The following PLEC variants were observed in gnomAD, a reference collection of about 807,000 sequenced individuals.
The protein encoded by PLEC is plectin.
Under a neutral mutation model 392.8 loss-of-function variants are expected in PLEC, and 216 were observed. That is an observed-to-expected ratio of 0.55 (90% CI 0.49 to 0.62). PLEC has a LOEUF of 0.62. Ranked by LOEUF, PLEC falls within the 20% of genes least tolerant of loss-of-function variation. The pLI, the probability that PLEC is intolerant of heterozygous loss-of-function variation, is 0.00. For synonymous variants in PLEC, 3,621 were observed against 2,980.6 expected, an observed-to-expected ratio of 1.21 and a Z score of -7.00; for missense variants, 6,863 against 6,563.4, an observed-to-expected ratio of 1.05 and a Z score of -1.58.
chr8:143,919,828 G>C lies in PLEC; in HGVS notation c.9993C>G (p.Leu3331=). 6.2e-7 allele frequency: 1 copy of C among 1,613,128 alleles called. No homozygotes were observed. Among genetic ancestry groups the C allele is most frequent in the Non-Finnish European group, 8.5e-7 (1 of 1,180,038 alleles). ...GVLSRAQFEQ[L]KDGKTTVKDL... is the part of the protein sequence containing the mutation. ...CCTTGACCGTCGTCTTGCCGTCCTT[G>C]AGCTGCTCAAACTGGGCTCTGCTGA... The change falls in exon 32 of 32, where the codon CTC becomes CTG. Residue 3331 remains leucine, a synonymous_variant. Transcript: ENST00000345136.
At chr8:143,953,867 C>T, upstream of PLEC, 1 of 1,560,256 alleles carries the variant, frequency 6.4e-7, no homozygotes, top group Non-Finnish European at 8.7e-7. Context: ...GGGGAGGAGC[C>T]CGGAGGTCCG....
At chr8:143,932,313 C>T (rs2131894606) in intron 16 of PLEC, 79 bp from the exon 17 acceptor site, 12 of 1,605,726 alleles carry the variant, frequency 7.5e-6, no homozygotes, top group Middle Eastern at 1.8e-4. Context: ...CGACCCAGGG[C>T]CCCCACTGGT....
Position 143,946,925 on chromosome 8 carries a change from C to G in PLEC, c.523+3259G>C, listed in dbSNP as rs567612609. ...TGAGTCCTCCCCAACCAGCACAGCC[C>G]CAGGCATCTGTCCAGGGGCAATGGT... On this transcript the variant is annotated intron_variant, in intron 1 of 31. Coordinates refer to the PLEC transcript ENST00000322810. Among the ~76,000 whole-genome samples, 127 of 152,242 alleles carry G rather than the reference C, an allele frequency of 8.3e-4. 4 individuals carry two copies. In the South Asian group the frequency reaches 0.012, roughly 15 times the overall value.
At position 143,929,095 on chromosome 8, in the gene PLEC, G is replaced by A; in HGVS notation, c.3260+8C>T. 6.4e-7 allele frequency: 1 copy of A among 1,565,118 alleles called. No homozygotes were observed. ...CCCAGCCCCTCGCCTGTGGCCAGGTGCACTCACTTCTCCAGGTAGATGGCA... is the reference window on the plus strand; with the variant it reads ...CCCAGCCCCTCGCCTGTGGCCAGGTACACTCACTTCTCCAGGTAGATGGCA... On this transcript the variant is annotated splice_region_variant and intron_variant, in intron 25 of 31. Transcript: ENST00000345136.
In PLEC at chr8:143,921,376, A is replaced by G. The variant is rs371421350; in HGVS notation, c.8445T>C (p.Val2815=). The change falls in exon 32 of 32, where the codon GTT becomes GTC. Residue 2815 remains valine, a synonymous_variant. Coordinates refer to ENST00000345136, the MANE Select transcript of PLEC (RefSeq NM_201384.3). Reference sequence around the variant, plus strand: ...CGCGGTGGCTGTGCACGGGGTCGATAACGCCGCCCGTGGCGATCTGGGCCT... The same window carrying G: ...CGCGGTGGCTGTGCACGGGGTCGATGACGCCGCCCGTGGCGATCTGGGCCT... ...LLEAQIATGG[V]IDPVHSHRVP... The G allele has an allele frequency of 1.1e-3, 1,793 of 1,613,324 alleles. 9 individuals are homozygous for G. In the African/African-American group the frequency reaches 0.012, roughly 10 times the overall value.
chr8:143,920,275 A>G lies in PLEC; in HGVS notation c.9546T>C (p.Ser3182=), dbSNP rs1554681200. Residue 3182 remains serine (S), a synonymous_variant, in exon 32 of 32, where the codon AGT becomes AGC. Transcript: ENST00000345136. ...TGGCCGGCTCCCCTGTGCTGGGGTC[A>G]CTGTAGGCCTTGGCGTCGGCCCTTG... ...SAPRADAKAY[S]DPSTGEPATY... 3.8e-6 allele frequency: 6 copies of G among 1,595,776 alleles called. No individual in the cohort carries two copies. In the South Asian group the frequency reaches 5.5e-5, roughly 15 times the overall value.
intron 2 of PLEC, 151 bp downstream of exon 2, chr8:143,938,480 G>A (rs1490298300): frequency 1.3e-6 from 2 of 1,550,008 alleles, no homozygotes; most frequent in African/African-American, 1.4e-5. Context: ...AGCAGGCGTA[G>A]GGAAGAAAGA....
chr8:143,924,589 G>A lies in PLEC; in HGVS notation c.5340C>T (p.Ser1780=), dbSNP rs1554698203. ...SKARAEEESR[S]TSEKSKQRLE... is the part of the protein sequence containing the mutation. ...GCCTCTGCTTGGACTTCTCGCTGGT[G>A]GAGCGCGACTCCTCCTCAGCCCTCG... The change falls in exon 31 of 32, where the codon TCC becomes TCT. Residue 1780 remains serine (S), a synonymous_variant. Transcript: ENST00000345136. The A allele has an allele frequency of 2.6e-6, 4 of 1,549,960 alleles. No homozygotes were observed. The highest frequency in any genetic ancestry group is 1.4e-5 in the African/African-American group (1 of 73,390).
upstream of PLEC, chr8:143,958,814 C>T: frequency 3.4e-6 from 1 of 290,054 alleles, no homozygotes; most frequent in Admixed American, 4.2e-5. This position sits in a 1 kb window ranked among gnomAD's most constrained non-coding sequence, Gnocchi z 4.9. Flanking sequence ...CTGTGGGCCC[C>T]TGGGGCGGCT....
At position 143,917,356 on chromosome 8, in the gene PLEC, G is replaced by A. The variant is rs773080070; in HGVS notation, c.12465C>T (p.Tyr4155=). The A allele has an allele frequency of 1.1e-4, 178 of 1,610,176 alleles. 1 individual carries two copies. The highest frequency in any genetic ancestry group is 6.6e-4 in the Middle Eastern group (4 of 6,084). ...CAATCAGGCCCTTGCGGTAGGCCTC[G>A]TACACTGACATCTCCTTGCCCGTCT... The part of the protein sequence containing the change: ...DPETGKEMSV[Y]EAYRKGLIDH... Residue 4155 remains tyrosine, a synonymous_variant, in exon 32 of 32, where the codon TAC becomes TAT. Coordinates refer to ENST00000345136, the MANE Select transcript of PLEC (RefSeq NM_201384.3).
chr8:143,946,602 G>A (rs1322523972), intron 1 of PLEC: 4 of 324,972 alleles, frequency 1.2e-5, no homozygotes, highest in South Asian at 4.5e-5. Context: ...GGGGTGCAGG[G>A]GACTGGCCTG....
At position 143,938,676 on chromosome 8, in the gene PLEC, C is replaced by T. The variant is rs550372653; in HGVS notation, c.129G>A (p.Val43=). ...SEGKKDERDR[V]QKKTFTKWVN... The stretch of plus-strand genomic sequence containing the variant: ...CCCACTTGGTGAAGGTTTTCTTCTG[C>T]ACACGATCCCGCTCATCTGGGGGAG... Residue 43 remains valine, a synonymous_variant, in exon 2 of 32, where the codon GTG becomes GTA. Transcript: ENST00000345136. The T allele has an allele frequency of 6.2e-7, 1 of 1,613,824 alleles. No individual in the cohort carries two copies. The highest frequency in any genetic ancestry group is 2.2e-5 in the East Asian group (1 of 44,856).
At chr8:143,946,354 G>A (rs1554732215) in intron 1 of PLEC, 2 of 1,288,846 alleles carry the variant, frequency 1.6e-6, no homozygotes, top group South Asian at 1.2e-5. Context: ...CCCTACCTTG[G>A]CCCAGCTGAA....
Position 143,919,605 on chromosome 8 carries a change from G to C in PLEC, c.10216C>G (p.Arg3406Gly), listed in dbSNP as rs781882032. Residue 3406 changes from arginine (R) to glycine (G), a missense_variant, in exon 32 of 32, where the codon CGC (arginine) becomes GGC (glycine). Transcript: ENST00000345136. Reference sequence around the variant, plus strand: ...TTCACGGCCTCGTGGACATACAGGCGCTGGTTCCGCACGGGGTCCACCAGG... The same window carrying C: ...TTCACGGCCTCGTGGACATACAGGCCCTGGTTCCGCACGGGGTCCACCAGG... ...GFLVDPVRNQ[R>G]LYVHEAVKAG... 1.5e-5 allele frequency: 24 copies of C among 1,590,604 alleles called. No individual in the cohort carries two copies. The Admixed American group carries it at 2.4e-4, about 16-fold the overall frequency.
Position 143,932,728 on chromosome 8 carries a change from C to T in PLEC, c.1738-16G>A, listed in dbSNP as rs782718466. The T allele has an allele frequency of 4.0e-5, 64 of 1,607,416 alleles. No individual in the cohort carries two copies. Among genetic ancestry groups the T allele is most frequent in the Middle Eastern group, 1.6e-4 (1 of 6,076 alleles). ...AGAGCTGGCCCTGCAACAGATGAGA[C>T]GGTGAGGTCTGCAGTGGCTGGGCCC... On this transcript the variant is annotated splice_polypyrimidine_tract_variant and intron_variant, in intron 14 of 31. Coordinates refer to ENST00000345136, the MANE Select transcript of PLEC (RefSeq NM_201384.3).
chr8:143,942,886 G>T (rs1185856995), upstream of PLEC, among the ~76,000 whole-genome samples: 2 of 152,224 alleles, frequency 1.3e-5, no homozygotes, highest in Non-Finnish European at 2.9e-5. Context: ...AGGCAGAACC[G>T]AGGAGCTGAG....
rs782016001 is a variant in PLEC, at chr8:143,925,158, G to C, written c.4771C>G (p.Gln1591Glu). 22 of 1,559,492 alleles carry C rather than the reference G, an allele frequency of 1.4e-5. No individual in the cohort carries two copies. Among genetic ancestry groups the C allele is most frequent in the Admixed American group, 1.8e-5 (1 of 54,848 alleles). ...TCCTCCTGCAGGGAGCGCTCCAGCTGTGCCGTCTTCTCGGCGAAGGAGGCG... is the reference window on the plus strand; with the variant it reads ...TCCTCCTGCAGGGAGCGCTCCAGCTCTGCCGTCTTCTCGGCGAAGGAGGCG... ...KRASFAEKTAQLERSLQEEHV... is the reference protein window; with the variant it reads ...KRASFAEKTAELERSLQEEHV... The change falls in exon 31 of 32, where the codon CAG (glutamine) becomes GAG (glutamate). Residue 1591 changes from glutamine to glutamate, a missense_variant. Gln to Glu is a conservative substitution (Grantham distance 29, BLOSUM62 2). Coordinates refer to ENST00000345136, the MANE Select transcript of PLEC (RefSeq NM_201384.3).
intron 20 of PLEC, 36 bp downstream of exon 20, chr8:143,930,348 G>A (rs1554713595): frequency 3.2e-6 from 5 of 1,582,518 alleles, no homozygotes; most frequent in Non-Finnish European, 4.3e-6. Context: ...GCCCTGCCTG[G>A]CCACGCCCCC....
Position 143,922,966 on chromosome 8 carries a change from C to T in PLEC, c.6963G>A (p.Glu2321=). The change falls in exon 31 of 32, where the codon GAG becomes GAA. Residue 2321 remains glutamate, a synonymous_variant. Coordinates refer to ENST00000345136, the MANE Select transcript of PLEC (RefSeq NM_201384.3). ...CCGCCTCAGCCTTGAGTCGCGTGGC[C>T]TCCTGCACCGCCTGCATCTTCTCCT... ...MLKEKMQAVQ[E]ATRLKAEAEL... The T allele has an allele frequency of 6.2e-7, 1 of 1,611,050 alleles. No individual in the cohort carries two copies.
Sources: allele counts gnomAD v4.1 joint callset (sites outside exome capture counted in the v4.1 genomes callset), GRCh38; gene constraint gnomAD v4.1.1; non-coding constraint Gnocchi (gnomAD v3.1); transcripts MANE v1.5; gene names NCBI Gene and HGNC (gene_info 2026-07-23, HGNC 2026-07-21).